Variants in SSH2 observed in about 807,000 individuals in gnomAD.
The protein encoded by SSH2 is slingshot protein phosphatase 2, also known as protein phosphatase Slingshot homolog 2.
In SSH2, 37 loss-of-function variants were observed where a neutral mutation model predicts 135.2. That is an observed-to-expected ratio of 0.27 (90% CI 0.21 to 0.36). SSH2 has a LOEUF of 0.36. Among genes scored for constraint, SSH2 ranks in the 10% least tolerant of loss-of-function variants. SSH2 has a pLI of 1.00. For synonymous variants in SSH2, 628 were observed against 646.2 expected, an observed-to-expected ratio of 0.97 and a Z score of 0.43; for missense variants, 1,408 against 1,765.3, an observed-to-expected ratio of 0.80 and a Z score of 3.63.
chr17:29,707,157 A>G (rs980688278), intron 3 of SSH2: 2 of 151,986 alleles, frequency 1.3e-5, no homozygotes, highest in Non-Finnish European at 2.9e-5. Context: ...CGCCTCAAAA[A>G]AAAAAAAAGA....
intron 6 of SSH2, among the ~76,000 whole-genome samples, chr17:29,681,074 G>A (rs2037962144): frequency 6.6e-6 from 1 of 151,600 alleles, no homozygotes; most frequent in Admixed American, 6.6e-5. Flanking sequence ...TCAGCAGGGC[G>A]TGGTGCCTGT....
chr17:29,699,728 C>T (rs1005372794), intron 4 of SSH2, among the ~76,000 whole-genome samples: 3 of 152,070 alleles, frequency 2.0e-5, no homozygotes, highest in Non-Finnish European at 4.4e-5. Context: ...TGGATTTAAA[C>T]CAATAATTTG....
At chr17:29,730,665 C>T (rs1444430275) in intron 3 of SSH2, among the ~76,000 whole-genome samples, 1 of 152,026 alleles carries the variant, frequency 6.6e-6, no homozygotes, top group Non-Finnish European at 1.5e-5. Context: ...TCTCGAACTC[C>T]TGGGCTCAAG....
At chr17:29,785,313 C>T (rs1003928450) in intron 3 of SSH2, among the ~76,000 whole-genome samples, 11 of 151,926 alleles carry the variant, frequency 7.2e-5, no homozygotes, top group Non-Finnish European at 1.6e-4. Flanking sequence ...ATTAAGATCT[C>T]AAAGTACTTT....
At chr17:29,818,295 C>G (rs1033420522) in intron 2 of SSH2, among the ~76,000 whole-genome samples, 2 of 149,144 alleles carry the variant, frequency 1.3e-5, no homozygotes, top group Non-Finnish European at 3.0e-5. Flanking sequence ...GTCGCCCAGG[C>G]TGAAGTGCAG....
chr17:29,683,316 A>C (rs1339709954), intron 6 of SSH2, among the ~76,000 whole-genome samples: 1 of 152,210 alleles, frequency 6.6e-6, no homozygotes, highest in Admixed American at 6.5e-5. Context: ...AAAGGAAAGC[A>C]ACAAACCTTA....
intron 2 of SSH2, among the ~76,000 whole-genome samples, chr17:29,817,290 A>G (rs1259743426): frequency 6.6e-6 from 1 of 151,948 alleles, no homozygotes; most frequent in Non-Finnish European, 1.5e-5. Context: ...GCTCCCATAT[A>G]CCTTACCCTC....
chr17:29,715,203 G>C (rs1302253980), intron 3 of SSH2, among the ~76,000 whole-genome samples: 14 of 149,966 alleles, frequency 9.3e-5, no homozygotes, highest in African/African-American at 3.2e-4. Flanking sequence ...CCTCCTTTTG[G>C]CTTTTTCTTT....
chr17:29,878,252 A>AC (rs1372264663), intron 1 of SSH2, among the ~76,000 whole-genome samples: 1 of 151,236 alleles, frequency 6.6e-6, no homozygotes, highest in African/African-American at 2.4e-5. Context: ...ACATGGAGAA[A>AC]CCCCATCTCT....
chr17:29,885,989 T>C (rs917616652), intron 1 of SSH2, among the ~76,000 whole-genome samples: 1 of 152,172 alleles, frequency 6.6e-6, no homozygotes, highest in Non-Finnish European at 1.5e-5. Flanking sequence ...AACAGACTAA[T>C]ACAGTAAATA....
At chr17:29,805,863 C>CA (rs11417396) in intron 2 of SSH2, among the ~76,000 whole-genome samples, 69,469 of 143,456 alleles carry the variant, frequency 0.48, 16,562 homozygotes, top group African/African-American at 0.54. Flanking sequence ...ACTCAGCTAT[C>CA]AAAAAAAAAA....
chr17:29,840,391 C>T (rs2043019345), intron 2 of SSH2, among the ~76,000 whole-genome samples: 3 of 152,166 alleles, frequency 2.0e-5, no homozygotes, highest in African/African-American at 7.2e-5. Context: ...CATGGTGTGT[C>T]TGAAGTATCA....
rs114965650 is a variant in SSH2 at position 29,799,910 on chromosome 17, C to G, written c.145-5973G>C. Among the ~76,000 whole-genome samples the G allele has an allele frequency of 5.1e-3, 770 of 152,314 alleles. 5 individuals are homozygous for G. Among genetic ancestry groups the G allele is most frequent in the African/African-American group, 0.017 (727 of 41,574 alleles). On this transcript the variant is annotated intron_variant, in intron 2 of 15. Coordinates refer to ENST00000540801, the MANE Select transcript of SSH2 (RefSeq NM_001282129.2). ...ATCTTTCTGCTATAATCAGCTGCAT[C>G]TAAACTAAAAATCTTACTTTGATAC...
At chr17:29,684,474 C>T (rs1348514342) in intron 6 of SSH2, 89 bp downstream of exon 6, 19 of 1,236,922 alleles carry the variant, frequency 1.5e-5, no homozygotes, top group Admixed American at 4.8e-5. Context: ...GATGACACTC[C>T]GTCCCCATTA....
intron 3 of SSH2, among the ~76,000 whole-genome samples, chr17:29,771,768 C>A (rs1485949228): frequency 6.6e-6 from 1 of 152,154 alleles, no homozygotes; most frequent in Non-Finnish European, 1.5e-5. Context: ...TAGTACTATG[C>A]AGTTTGTTTA....
intron 1 of SSH2, among the ~76,000 whole-genome samples, chr17:29,906,731 T>C (rs549603055): frequency 6.6e-6 from 1 of 152,192 alleles, no homozygotes; most frequent in East Asian, 1.9e-4. Context: ...TCTCAAAAGA[T>C]GACATACATG....
chr17:29,717,214 C>A (rs1314882273), intron 3 of SSH2, among the ~76,000 whole-genome samples: 1 of 152,220 alleles, frequency 6.6e-6, no homozygotes, highest in Non-Finnish European at 1.5e-5. Flanking sequence ...TGGCTCACTG[C>A]AGCCTCAACC....
At position 29,761,883 on chromosome 17, in the gene SSH2, A is replaced by ATT. The variant is rs1345354010; in HGVS notation, c.188+32010_188+32011insAA. 2.6e-3 allele frequency among the ~76,000 whole-genome samples: 338 copies of ATT among 129,160 alleles called. 6 individuals are homozygous for ATT. Among genetic ancestry groups the ATT allele is most frequent in the African/African-American group, 9.0e-3 (302 of 33,468 alleles). The allele number at this position is 129,160 out of a possible 152,430, so 84.7% of individuals were successfully genotyped here. A position where few individuals can be genotyped will look rare whatever the true frequency, so the allele number is the denominator to read the frequency against. On this transcript the variant is annotated intron_variant, in intron 3 of 15. Transcript: ENST00000540801. ...TGTGTGTGTGTGTGTATATATATAT[A>ATT]TATATTTTTTTTTGAGATGGAGTTT...
At chr17:29,716,499 C>A in intron 3 of SSH2, 1 of 711,666 alleles carries the variant, frequency 1.4e-6, no homozygotes. Flanking sequence ...ACATTGTAGA[C>A]TCCTTCAGTT....
Sources: gnomAD v4.1 joint callset for allele counts (sites outside exome capture counted in the v4.1 genomes callset) on GRCh38, gnomAD v4.1.1 for gene constraint, MANE v1.5 for transcripts, NCBI Gene and HGNC (gene_info 2026-07-23, HGNC 2026-07-21) for gene names.